The following FSTL4 variants were observed in gnomAD, a reference collection of about 807,000 sequenced individuals.
The protein encoded by FSTL4 is follistatin like 4.
FSTL4 carries 28 observed loss-of-function variants against 78.2 expected under a neutral mutation model. The observed-to-expected ratio is 0.36, with a 90% CI of 0.27 to 0.49. The LOEUF is 0.49. Ranked by LOEUF, FSTL4 falls within the 20% of genes least tolerant of loss-of-function variation. FSTL4 has a pLI of 0.98. For missense variants in FSTL4, 922 were observed against 1,084.9 expected (o/e 0.85, Z 2.11); for synonymous variants, 422 against 440.5 (o/e 0.96, Z 0.53).
intron 7 of FSTL4, among the ~76,000 whole-genome samples, 153 bp from the exon 8 acceptor site, chr5:133,233,690 C>T (rs923045677): frequency 3.9e-5 from 6 of 152,212 alleles, no homozygotes; most frequent in Non-Finnish European, 7.3e-5. Context: ...AGGGGTGAGC[C>T]GTCCTGGGCA....
chr5:133,231,907 C>A (rs1388183988), intron 8 of FSTL4, among the ~76,000 whole-genome samples: 1 of 152,190 alleles, frequency 6.6e-6, no homozygotes, highest in African/African-American at 2.4e-5. Context: ...GGCCCGCTGT[C>A]TTTGGGAAAC....
chr5:133,620,272 G>C, the FSTL4 span, among the ~76,000 whole-genome samples: 1 of 152,176 alleles, frequency 6.6e-6, no homozygotes, highest in African/African-American at 2.4e-5. Context: ...GGAGGGGAAA[G>C]ATTTCAGGCC....
intron 14 of FSTL4, chr5:133,208,262 C>A (rs796131041): frequency 3.3e-4 from 51 of 152,304 alleles, no homozygotes; most frequent in African/African-American, 1.2e-3. Context: ...TTTGTCCTGA[C>A]AGGTAAATGA....
chr5:133,630,457 A>G, the FSTL4 span, among the ~76,000 whole-genome samples: 1 of 152,234 alleles, frequency 6.6e-6, no homozygotes, highest in South Asian at 2.1e-4. Flanking sequence ...GACTTCTTCA[A>G]GGAGAACTAC....
rs1473195719 is a variant in FSTL4, at chr5:133,201,864, G to T, written c.1826+69C>A. ...GAGAAATGAGCAGGTCCCATGCTGGGCAATGCTGCCCCTTGCAGGGCTGAG... is the reference window on the plus strand; with the variant it reads ...GAGAAATGAGCAGGTCCCATGCTGGTCAATGCTGCCCCTTGCAGGGCTGAG... On this transcript the variant is annotated intron_variant, in intron 15 of 15. Transcript: ENST00000265342. The T allele has an allele frequency of 1.2e-5, 10 of 854,878 alleles. 1 individual carries two copies. Among genetic ancestry groups the T allele is most frequent in the Non-Finnish European group, 1.9e-5 (10 of 531,686 alleles). The allele number at this position is 854,878 out of a possible 1,614,324, so 53.0% of individuals were successfully genotyped here.
intron 3 of FSTL4, among the ~76,000 whole-genome samples, chr5:133,495,992 G>T (rs1295764716): frequency 1.3e-5 from 2 of 152,164 alleles, no homozygotes; most frequent in Non-Finnish European, 2.9e-5. Flanking sequence ...TGGGGCTCCT[G>T]CTGGGTTTGA....
intron 4 of FSTL4, among the ~76,000 whole-genome samples, chr5:133,390,207 G>C (rs536904305): frequency 6.6e-6 from 1 of 152,356 alleles, no homozygotes; most frequent in Admixed American, 6.5e-5. Context: ...TATAATAAGT[G>C]GACGGAGTTC....
the FSTL4 span, among the ~76,000 whole-genome samples, chr5:133,647,951 G>T: frequency 6.6e-6 from 1 of 152,146 alleles, no homozygotes; most frequent in African/African-American, 2.4e-5. Flanking sequence ...CTGTTCTCAT[G>T]ATAGTCAATA....
chr5:133,803,966 G>T, the FSTL4 span, among the ~76,000 whole-genome samples: 5 of 152,158 alleles, frequency 3.3e-5, no homozygotes, highest in African/African-American at 1.2e-4. Context: ...TTCACCAATG[G>T]CCTCCAGGTT....
At chr5:133,437,693 A>G (rs767842663) in intron 3 of FSTL4, among the ~76,000 whole-genome samples, 3 of 151,200 alleles carry the variant, frequency 2.0e-5, no homozygotes, top group Admixed American at 6.6e-5. Flanking sequence ...GTTTCGCCAT[A>G]TTGGCCAGGC....
chr5:133,723,389 A>C, the FSTL4 span, among the ~76,000 whole-genome samples: 1 of 152,290 alleles, frequency 6.6e-6, no homozygotes, highest in African/African-American at 2.4e-5. Flanking sequence ...CATATGACAC[A>C]GCGGGAGCTT....
Position 133,312,438 on chromosome 5 carries a change from T to A in FSTL4, c.727+216A>T, listed in dbSNP as rs141264639. On this transcript the variant is annotated intron_variant, in intron 6 of 15. Transcript: ENST00000265342. Reference sequence around the variant, plus strand: ...CCTCAAAGAGCGAGAAAAATCTTTATTAAAAAGGAACAGGGCAAGCCCTCT... The same window carrying A: ...CCTCAAAGAGCGAGAAAAATCTTTAATAAAAAGGAACAGGGCAAGCCCTCT... 252 of 570,842 alleles carry A rather than the reference T, an allele frequency of 4.4e-4. No individual in the cohort carries two copies. The African/African-American group carries it at 4.5e-3, about 10-fold the overall frequency. The allele number at this position is 570,842 out of a possible 1,614,324, so 35.4% of individuals were successfully genotyped here. A position where few individuals can be genotyped will look rare whatever the true frequency, so the allele number is the denominator to read the frequency against.
In FSTL4 at chr5:133,361,201, G is replaced by C. The variant is rs1374526637; in HGVS notation, c.409+39537C>G. 6.6e-6 allele frequency among the ~76,000 whole-genome samples: 1 copy of C among 152,090 alleles called. No individual in the cohort carries two copies. Among genetic ancestry groups the C allele is most frequent in the Non-Finnish European group, 1.5e-5 (1 of 68,016 alleles). On this transcript the variant is annotated intron_variant, in intron 4 of 15. Transcript: ENST00000265342. This position sits in a 1 kb window ranked among gnomAD's most constrained non-coding sequence, Gnocchi z 4.3. ...CGCTCTAATAAACTTTTCAAGGAGGGGTCGCATTCCGACCCTGCAGTGCTG... is the reference window on the plus strand; with the variant it reads ...CGCTCTAATAAACTTTTCAAGGAGGCGTCGCATTCCGACCCTGCAGTGCTG...
chr5:133,795,583 T>G, the FSTL4 span, among the ~76,000 whole-genome samples: 13,233 of 151,682 alleles, frequency 0.087, 644 homozygotes, highest in East Asian at 0.17. Flanking sequence ...GAATGCTGAT[T>G]TTCATTGGGA....
chr5:133,317,507 G>A (rs114845989), intron 4 of FSTL4, among the ~76,000 whole-genome samples: 1 of 152,208 alleles, frequency 6.6e-6, no homozygotes, highest in African/African-American at 2.4e-5. Flanking sequence ...AATACGCATG[G>A]GCTCCTCACT....
the FSTL4 span, among the ~76,000 whole-genome samples, chr5:133,809,891 A>G: frequency 5.3e-5 from 8 of 152,200 alleles, no homozygotes; most frequent in Non-Finnish European, 1.0e-4. Context: ...AGCACCTGCT[A>G]TTTTCCAGGC....
At chr5:133,739,895 C>CT in the FSTL4 span, among the ~76,000 whole-genome samples, 16,675 of 138,376 alleles carry the variant, frequency 0.12, 1,355 homozygotes, top group African/African-American at 0.22. Context: ...TAAGCTCTGT[C>CT]TTTTTTTTTT....
At chr5:133,760,172 G>C in the FSTL4 span, among the ~76,000 whole-genome samples, 1 of 152,184 alleles carries the variant, frequency 6.6e-6, no homozygotes, top group Non-Finnish European at 1.5e-5. Flanking sequence ...CAGGCCCTTT[G>C]GGAAGTTGGA....
the FSTL4 span, among the ~76,000 whole-genome samples, chr5:133,642,100 T>G: frequency 7.2e-5 from 11 of 152,202 alleles, no homozygotes; most frequent in Non-Finnish European, 1.5e-4. Context: ...CTGTGTAACC[T>G]GATTTCACCA....
Sources: allele counts gnomAD v4.1 joint callset (sites outside exome capture counted in the v4.1 genomes callset), GRCh38; gene constraint gnomAD v4.1.1; non-coding constraint Gnocchi (gnomAD v3.1); transcripts MANE v1.5; gene names NCBI Gene and HGNC (gene_info 2026-07-23, HGNC 2026-07-21).